The following BLTP3A variants were observed in gnomAD, a reference collection of about 807,000 sequenced individuals.
The protein encoded by BLTP3A is ICBP90 binding protein 1.
At chr6:34,862,375 CAAA>C in the BLTP3A span, among the ~76,000 whole-genome samples, 2 of 137,064 alleles carry the variant, frequency 1.5e-5, no homozygotes, top group East Asian at 2.1e-4. Flanking sequence ...GACTCCGTCT[CAAA>C]AAAAAAAAAT....
At chr6:34,863,970 C>A in the BLTP3A span, 1 of 1,551,272 alleles carries the variant, frequency 6.4e-7, no homozygotes, top group Non-Finnish European at 8.7e-7. Flanking sequence ...TCCAAAGCCA[C>A]ATTTGTGGTT....
chr6:34,840,261 C>T, the BLTP3A span, among the ~76,000 whole-genome samples: 1 of 152,092 alleles, frequency 6.6e-6, no homozygotes, highest in South Asian at 2.1e-4. Context: ...GGTTTAAATA[C>T]ATATTATTGG....
At chr6:34,856,831 C>G in the BLTP3A span, 7 of 1,614,032 alleles carry the variant, frequency 4.3e-6, no homozygotes, top group Non-Finnish European at 5.1e-6. Context: ...TGAGAGAAGC[C>G]CCTCTCAGGG....
the BLTP3A span, among the ~76,000 whole-genome samples, chr6:34,833,920 C>CAAAAAA: frequency 2.2e-5 from 1 of 45,078 alleles, no homozygotes; most frequent in South Asian, 9.1e-4. Flanking sequence ...GACTCCGTCT[C>CAAAAAA]AAAAAAAAAA....
At chr6:34,871,746 A>G in the BLTP3A span, 20 of 1,612,226 alleles carry the variant, frequency 1.2e-5, 1 homozygote, top group Admixed American at 3.3e-4. Context: ...CTAAAAGTGA[A>G]TAGGTGACAC....
chr6:34,812,407 T>C, the BLTP3A span, among the ~76,000 whole-genome samples: 1 of 151,898 alleles, frequency 6.6e-6, no homozygotes, highest in Non-Finnish European at 1.5e-5. Context: ...AACCCAACAT[T>C]GTAAACAACA....
At chr6:34,818,618 A>ACAGT in the BLTP3A span, among the ~76,000 whole-genome samples, 1 of 152,226 alleles carries the variant, frequency 6.6e-6, no homozygotes, top group Non-Finnish European at 1.5e-5. Flanking sequence ...GAAAAGCCAT[A>ACAGT]CAGTCACCTC....
At chr6:34,846,628 T>C in the BLTP3A span, among the ~76,000 whole-genome samples, 8 of 152,242 alleles carry the variant, frequency 5.3e-5, no homozygotes, top group Admixed American at 2.0e-4. Context: ...CCTGCAGCTT[T>C]ACTGAATTTG....
the BLTP3A span, among the ~76,000 whole-genome samples, chr6:34,804,373 A>G: frequency 6.6e-6 from 1 of 152,066 alleles, no homozygotes; most frequent in Non-Finnish European, 1.5e-5. Context: ...AGCAGTAGGA[A>G]CTCAAAGACA....
chr6:34,837,119 A>C, the BLTP3A span, among the ~76,000 whole-genome samples: 12 of 152,206 alleles, frequency 7.9e-5, no homozygotes, highest in African/African-American at 2.9e-4. Flanking sequence ...CTTCAAAACT[A>C]TCTTTGTGTT....
chr6:34,847,921 C>CTTTT, the BLTP3A span, among the ~76,000 whole-genome samples: 7 of 91,154 alleles, frequency 7.7e-5, no homozygotes, highest in African/African-American at 1.0e-4. Flanking sequence ...TCTTTTTTTC[C>CTTTT]TTTTTTTTTT....
chr6:34,863,127 G>A, the BLTP3A span, among the ~76,000 whole-genome samples: 1 of 151,938 alleles, frequency 6.6e-6, no homozygotes. Flanking sequence ...GGCTGGTCTC[G>A]AACTCCTGGA....
At chr6:34,818,711 A>G in the BLTP3A span, among the ~76,000 whole-genome samples, 1 of 152,104 alleles carries the variant, frequency 6.6e-6, no homozygotes, top group East Asian at 1.9e-4. Context: ...GCACTTTCCT[A>G]AATTTGTCAT....
the BLTP3A span, chr6:34,835,484 C>G: frequency 1.1e-5 from 17 of 1,611,172 alleles, no homozygotes; most frequent in Non-Finnish European, 1.4e-5. Context: ...AAAACAGACA[C>G]CCTTAGTGGG....
At chr6:34,803,076 T>C in the BLTP3A span, among the ~76,000 whole-genome samples, 4 of 151,920 alleles carry the variant, frequency 2.6e-5, no homozygotes, top group Non-Finnish European at 4.4e-5. Context: ...TCCCAGCTAC[T>C]TGGGGGGCTG....
the BLTP3A span, chr6:34,855,525 G>T: frequency 6.9e-7 from 1 of 1,458,218 alleles, no homozygotes; most frequent in South Asian, 1.2e-5. Context: ...GGGCTTTGAA[G>T]CTGGTCGTTA....
chr6:34,863,862 G>A, the BLTP3A span: 1 of 753,008 alleles, frequency 1.3e-6, no homozygotes, highest in Non-Finnish European at 2.0e-6. Flanking sequence ...GCCAGTAATA[G>A]GTAATGTCAA....
At chr6:34,865,961 A>G in the BLTP3A span, among the ~76,000 whole-genome samples, 70 of 152,346 alleles carry the variant, frequency 4.6e-4, no homozygotes, top group Admixed American at 1.4e-3. Context: ...CTGTAATCCC[A>G]GCCTTTTGGG....
the BLTP3A span, chr6:34,859,678 A>G: frequency 2.7e-6 from 4 of 1,506,364 alleles, no homozygotes; most frequent in East Asian, 2.3e-5. Flanking sequence ...GAAGTACCAT[A>G]TAGTCCAGGA....
Sources: allele counts gnomAD v4.1 joint callset (sites outside exome capture counted in the v4.1 genomes callset), GRCh38; gene constraint gnomAD v4.1.1; transcripts MANE v1.5; gene names NCBI Gene and HGNC (gene_info 2026-07-23, HGNC 2026-07-21).